The following PTPRR variants were observed in gnomAD, a reference collection of about 807,000 sequenced individuals.
PTPRR encodes protein tyrosine phosphatase receptor type R.
In PTPRR, 38 loss-of-function variants were observed where a neutral mutation model predicts 77.2. The observed-to-expected ratio is 0.49, with a 90% CI of 0.38 to 0.65. The LOEUF is 0.65. Ranked by LOEUF, PTPRR falls within the 30% of genes least tolerant of loss-of-function variation. PTPRR has a pLI of 0.00. For synonymous variants in PTPRR, 299 were observed against 283.1 expected, an observed-to-expected ratio of 1.06 and a Z score of -0.57; for missense variants, 744 against 799.2, an observed-to-expected ratio of 0.93 and a Z score of 0.83.
intron 6 of PTPRR, among the ~76,000 whole-genome samples, chr12:70,731,412 T>G (rs1244252742): frequency 6.6e-6 from 1 of 152,214 alleles, no homozygotes; most frequent in Non-Finnish European, 1.5e-5. Context: ...TGCAATCGCC[T>G]TGTCTGAGAC....
intron 2 of PTPRR, among the ~76,000 whole-genome samples, chr12:70,766,762 G>C (rs527721822): frequency 7.0e-4 from 107 of 152,190 alleles, no homozygotes; most frequent in African/African-American, 2.5e-3. Flanking sequence ...GGCAGCCAGA[G>C]AGAAAGGTCG....
At chr12:70,715,821 C>T (rs756791872) in intron 6 of PTPRR, among the ~76,000 whole-genome samples, 3 of 152,094 alleles carry the variant, frequency 2.0e-5, no homozygotes, top group Non-Finnish European at 2.9e-5. Context: ...AACACAGGTA[C>T]TCTACAATTT....
At position 70,788,864 on chromosome 12, in the gene PTPRR, A is replaced by G. The variant is rs186984908; in HGVS notation, c.358-24086T>C. The G allele has an allele frequency of 2.9e-4, 437 of 1,521,376 alleles. 2 individuals are homozygous for G. The African/African-American group carries it at 5.4e-3, about 19-fold the overall frequency. The allele number at this position is 1,521,376 out of a possible 1,614,324, so 94.2% of individuals were successfully genotyped here. A position where few individuals can be genotyped will look rare whatever the true frequency, so the allele number is the denominator to read the frequency against. On this transcript the variant is annotated intron_variant, in intron 2 of 13. Coordinates refer to ENST00000283228, the MANE Select transcript of PTPRR (RefSeq NM_002849.4). The stretch of plus-strand genomic sequence containing the variant: ...TGTGATGAAGTCGACTTCCATTTGC[A>G]CTCTTCTTTGTGTTATTTCCTTACC...
chr12:70,713,000 A>T (rs1888886334), intron 6 of PTPRR, among the ~76,000 whole-genome samples: 2 of 151,560 alleles, frequency 1.3e-5, no homozygotes, highest in African/African-American at 2.4e-5. Context: ...CATTTTCCTC[A>T]CTCCCCCCAA....
intron 2 of PTPRR, among the ~76,000 whole-genome samples, chr12:70,838,291 G>A (rs1051975905): frequency 9.2e-5 from 14 of 152,292 alleles, no homozygotes; most frequent in East Asian, 7.7e-4. Flanking sequence ...GAATGAGGTT[G>A]CATATTTACA....
Position 70,920,629 on chromosome 12 carries a change from G to A in PTPRR, c.-239C>T, listed in dbSNP as rs537050695. 2.4e-4 allele frequency: 110 copies of A among 449,916 alleles called. No homozygotes were observed. Among genetic ancestry groups the A allele is most frequent in the African/African-American group, 2.1e-3 (104 of 50,706 alleles). The allele number at this position is 449,916 out of a possible 1,614,324, so 27.9% of individuals were successfully genotyped here. On this transcript the variant is annotated 5_prime_UTR_variant, in exon 1 of 14. Transcript: ENST00000283228. Reference sequence around the variant, plus strand: ...CGGGTAAGGGGAACAGAAGCGCTCAGAGGCGGCAAATGCCTGGCCTTCTGG... The same window carrying A: ...CGGGTAAGGGGAACAGAAGCGCTCAAAGGCGGCAAATGCCTGGCCTTCTGG...
chr12:70,843,459 A>T (rs1892430023), intron 2 of PTPRR, among the ~76,000 whole-genome samples: 3 of 152,216 alleles, frequency 2.0e-5, no homozygotes. Flanking sequence ...TATTAATATT[A>T]CACAACCATA....
chr12:70,764,725 G>C lies in PTPRR; in HGVS notation c.411C>G (p.Arg137=), dbSNP rs760052364. 3.1e-6 allele frequency: 5 copies of C among 1,614,124 alleles called. No homozygotes were observed. In the Admixed American group the frequency reaches 5.0e-5, roughly 16 times the overall value. Residue 137 remains arginine (R), a synonymous_variant, in exon 3 of 14, where the codon CGC becomes CGG. Transcript: ENST00000283228. The stretch of plus-strand genomic sequence containing the variant: ...GTCCTAAAGCTGCAGCCACTCCTTG[G>C]CGGAAGATCCGAAGCAAGGTTATGT... The part of the protein sequence containing the change: ...KLNITLLRIF[R]QGVAAALGLL...
intron 1 of PTPRR, among the ~76,000 whole-genome samples, chr12:70,907,395 C>G (rs1281271631): frequency 6.6e-6 from 1 of 152,094 alleles, no homozygotes; most frequent in African/African-American, 2.4e-5. Flanking sequence ...ACTGTCAGCC[C>G]AGCATAAATA....
chr12:70,709,862 A>G (rs1216548189), intron 6 of PTPRR, among the ~76,000 whole-genome samples: 4 of 152,158 alleles, frequency 2.6e-5, no homozygotes, highest in Non-Finnish European at 4.4e-5. Context: ...ATGGAAAAAC[A>G]TTCCACGTTC....
intron 2 of PTPRR, among the ~76,000 whole-genome samples, chr12:70,828,957 G>C (rs1307640111): frequency 6.6e-6 from 1 of 152,162 alleles, no homozygotes; most frequent in Non-Finnish European, 1.5e-5. Flanking sequence ...CAGGCAAGGT[G>C]CCGGGGATAC....
At chr12:70,853,181 T>G (rs564645605) in intron 2 of PTPRR, among the ~76,000 whole-genome samples, 13 of 152,346 alleles carry the variant, frequency 8.5e-5, no homozygotes, top group Non-Finnish European at 1.8e-4. Flanking sequence ...GTGCAATTAC[T>G]GTGCTAAGGG....
At chr12:70,747,434 C>T (rs1313909217) in intron 5 of PTPRR, among the ~76,000 whole-genome samples, 2 of 152,192 alleles carry the variant, frequency 1.3e-5, no homozygotes, top group Admixed American at 1.3e-4. Context: ...AAGCTCTTCA[C>T]ATCTAAATAT....
Position 70,701,206 on chromosome 12 carries a change from G to C in PTPRR, c.1125C>G (p.Ser375Arg). The C allele has an allele frequency of 6.2e-7, 1 of 1,613,962 alleles. No homozygotes were observed. Among genetic ancestry groups the C allele is most frequent in the Non-Finnish European group, 8.5e-7 (1 of 1,179,942 alleles). ...TCAGCTGAGACCTTGTGAGAATTCG[G>C]CTGGCTGACTGCAGATACTCCATTG... Reference protein sequence around the residue: ...KVAMEYLQSASRILTRSQLRD... With the variant: ...KVAMEYLQSARRILTRSQLRD... The change falls in exon 7 of 14, where the codon AGC becomes AGG. Residue 375 changes from serine to arginine, a missense_variant. Coordinates refer to ENST00000283228, the MANE Select transcript of PTPRR (RefSeq NM_002849.4).
At chr12:70,708,811 TACAAACAC>T (rs1234103134) in intron 6 of PTPRR, among the ~76,000 whole-genome samples, 2,030 of 143,248 alleles carry the variant, frequency 0.014, 45 homozygotes, top group African/African-American at 0.054. Context: ...TAAATACAAA[TACAAACAC>T]ACACACACAC....
At chr12:70,858,755 T>C (rs975649463) in intron 2 of PTPRR, among the ~76,000 whole-genome samples, 2 of 152,056 alleles carry the variant, frequency 1.3e-5, no homozygotes, top group Non-Finnish European at 2.9e-5. Flanking sequence ...ACCTTCTCCA[T>C]ATCTTTATAA....
chr12:70,732,597 G>C (rs1319339558), intron 6 of PTPRR, among the ~76,000 whole-genome samples: 5 of 152,136 alleles, frequency 3.3e-5, no homozygotes, highest in African/African-American at 4.8e-5. Flanking sequence ...GTCTTGCTCT[G>C]TTGCCCAGGC....
chr12:70,850,330 G>T (rs1283641583), intron 2 of PTPRR, among the ~76,000 whole-genome samples: 1 of 151,700 alleles, frequency 6.6e-6, no homozygotes, highest in Non-Finnish European at 1.5e-5. Flanking sequence ...CTGCACTCCA[G>T]CCTGGGCAAC....
Position 70,835,635 on chromosome 12 carries a change from CAT to C in PTPRR, c.357+57042_357+57043del, listed in dbSNP as rs565532845. On this transcript the variant is annotated intron_variant, in intron 2 of 13. Coordinates refer to ENST00000283228, the MANE Select transcript of PTPRR (RefSeq NM_002849.4). ...TGGTAAAGAAAACTGGTAGAGCACA[CAT>C]GTTTCTCTACTTTAATAGTCTCTCT... Among the ~76,000 whole-genome samples, 139 of 152,222 alleles carry C rather than the reference CAT, an allele frequency of 9.1e-4. 1 individual carries two copies. Among genetic ancestry groups the C allele is most frequent in the East Asian group, 3.1e-3 (16 of 5,172 alleles).
Sources: allele counts gnomAD v4.1 joint callset (sites outside exome capture counted in the v4.1 genomes callset), GRCh38; gene constraint gnomAD v4.1.1; transcripts MANE v1.5; gene names NCBI Gene and HGNC (gene_info 2026-07-23, HGNC 2026-07-21).